The following PLCL1 variants were observed in gnomAD, a reference collection of about 807,000 sequenced individuals.
PLCL1 encodes phospholipase C like 1 (inactive), also known as inactive phospholipase C-like protein 1.
A neutral mutation model predicts 84.4 loss-of-function variants in PLCL1; 41 were observed. That is an observed-to-expected ratio of 0.49 (90% CI 0.38 to 0.63). The LOEUF is 0.63. Among genes scored for constraint, PLCL1 ranks in the 30% least tolerant of loss-of-function variants. PLCL1 has a pLI of 0.00. For synonymous variants in PLCL1, 490 were observed against 488.3 expected, an observed-to-expected ratio of 1.00 and a Z score of -0.05; for missense variants, 1,206 against 1,367.8, an observed-to-expected ratio of 0.88 and a Z score of 1.87.
chr2:197,834,300 A>G (rs1218531017), intron 1 of PLCL1, among the ~76,000 whole-genome samples: 6 of 152,186 alleles, frequency 3.9e-5, no homozygotes, highest in Admixed American at 2.6e-4. Context: ...AAATTGACAA[A>G]TGGGATCTAA....
chr2:197,963,443 T>G (rs913440973), intron 1 of PLCL1, among the ~76,000 whole-genome samples: 15 of 152,166 alleles, frequency 9.9e-5, no homozygotes, highest in African/African-American at 3.4e-4. Flanking sequence ...GTTAGATTTT[T>G]TCCTATAGAG....
At chr2:197,972,761 A>G (rs1176801217) in intron 1 of PLCL1, among the ~76,000 whole-genome samples, 1 of 152,220 alleles carries the variant, frequency 6.6e-6, no homozygotes, top group African/African-American at 2.4e-5. Flanking sequence ...ACATATTCAC[A>G]TACTCTTTGA....
chr2:197,958,888 C>T (rs921131002), intron 1 of PLCL1, among the ~76,000 whole-genome samples: 7 of 144,132 alleles, frequency 4.9e-5, no homozygotes, highest in South Asian at 4.6e-4. Flanking sequence ...ATTTTGGTTT[C>T]GGAATCTGTG....
At chr2:198,081,716 C>T (rs937849316) in intron 1 of PLCL1, among the ~76,000 whole-genome samples, 1 of 152,158 alleles carries the variant, frequency 6.6e-6, no homozygotes. Flanking sequence ...AATCATCCCA[C>T]CAACATCTCA....
At chr2:198,042,740 TACA>T (rs1244862817) in intron 1 of PLCL1, among the ~76,000 whole-genome samples, 2 of 152,114 alleles carry the variant, frequency 1.3e-5, no homozygotes, top group Non-Finnish European at 1.5e-5. Context: ...TAGTCAGAAA[TACA>T]ACATTTGATT....
At chr2:197,939,370 A>G (rs983731159) in intron 1 of PLCL1, among the ~76,000 whole-genome samples, 5 of 152,186 alleles carry the variant, frequency 3.3e-5, no homozygotes, top group African/African-American at 9.6e-5. Context: ...AATTCTGGGA[A>G]TGGGACCTGT....
chr2:198,081,703 C>A (rs907368668), intron 1 of PLCL1, among the ~76,000 whole-genome samples: 1 of 152,166 alleles, frequency 6.6e-6, no homozygotes. Context: ...ATTGGAGTCA[C>A]TGAATCATCC....
At chr2:197,839,264 T>G (rs1691249915) in intron 1 of PLCL1, among the ~76,000 whole-genome samples, 1 of 152,240 alleles carries the variant, frequency 6.6e-6, no homozygotes, top group Non-Finnish European at 1.5e-5. Flanking sequence ...TAGTCTGGAA[T>G]CAGTTTATGT....
At chr2:197,905,988 T>G (rs2105741519) in intron 1 of PLCL1, among the ~76,000 whole-genome samples, 1 of 152,350 alleles carries the variant, frequency 6.6e-6, no homozygotes, top group East Asian at 1.9e-4. Context: ...ATGGATAGAT[T>G]GCAAAAATTT....
In PLCL1 at chr2:197,811,248, T is replaced by C. The variant is rs569069625; in HGVS notation, c.240+5909T>C. On this transcript the variant is annotated intron_variant, in intron 1 of 5. Transcript: ENST00000428675. ...ACGGCCAACTTCTGTAACAACAACATTCGGTCTTACATATTGGCAAATGTA... is the reference window on the plus strand; with the variant it reads ...ACGGCCAACTTCTGTAACAACAACACTCGGTCTTACATATTGGCAAATGTA... Among the ~76,000 whole-genome samples, 7 of 152,360 alleles carry C rather than the reference T, an allele frequency of 4.6e-5. No individual in the cohort carries two copies. In the South Asian group the frequency reaches 1.4e-3, roughly 32 times the overall value.
At chr2:197,952,068 G>A (rs114404252) in intron 1 of PLCL1, among the ~76,000 whole-genome samples, 1,610 of 152,224 alleles carry the variant, frequency 0.011, 20 homozygotes, top group African/African-American at 0.037. Flanking sequence ...GAGCAAACAA[G>A]TCCTTTCTCA....
chr2:198,106,378 C>T (rs958467520), intron 5 of PLCL1, among the ~76,000 whole-genome samples: 1 of 151,864 alleles, frequency 6.6e-6, no homozygotes, highest in Non-Finnish European at 1.5e-5. Context: ...ACTGGGAATA[C>T]GTGGAGAACA....
At position 198,112,100 on chromosome 2, in the gene PLCL1, G is replaced by T. The variant is rs1010671458; in HGVS notation, c.3105+8164G>T. Among the ~76,000 whole-genome samples the T allele has an allele frequency of 1.8e-4, 27 of 151,986 alleles. 1 individual carries two copies. The highest frequency in any genetic ancestry group is 6.5e-4 in the African/African-American group (27 of 41,508). ...AGGTACACTTTTCTAGTGGAAAATAGAATGAATTGACCAAGTGGTATAACT... is the reference window on the plus strand; with the variant it reads ...AGGTACACTTTTCTAGTGGAAAATATAATGAATTGACCAAGTGGTATAACT... On this transcript the variant is annotated intron_variant, in intron 5 of 5. Coordinates refer to ENST00000428675, the MANE Select transcript of PLCL1 (RefSeq NM_006226.4).
In PLCL1 at chr2:197,966,648, A is replaced by G. The variant is rs1227571423; in HGVS notation, c.241-117110A>G. Among the ~76,000 whole-genome samples the G allele has an allele frequency of 2.6e-5, 4 of 152,184 alleles. 1 individual carries two copies. Among genetic ancestry groups the G allele is most frequent in the Admixed American group, 2.0e-4 (3 of 15,300 alleles). ...GAAGGGATGGCACTGGCAATTCAAG[A>G]CTGCCTTTCCTACTTCTTCAGTGCC... is the stretch of plus-strand genomic sequence containing the variant. On this transcript the variant is annotated intron_variant, in intron 1 of 5. Transcript: ENST00000428675.
At chr2:197,807,009 AG>A (rs1188380916) in intron 1 of PLCL1, among the ~76,000 whole-genome samples, 8 of 152,150 alleles carry the variant, frequency 5.3e-5, no homozygotes, top group African/African-American at 1.9e-4. Flanking sequence ...ACAAAAAAGG[AG>A]GGAGACAACA....
At chr2:198,130,586 C>T (rs1201578771) in intron 5 of PLCL1, among the ~76,000 whole-genome samples, 1 of 152,094 alleles carries the variant, frequency 6.6e-6, no homozygotes, top group Non-Finnish European at 1.5e-5. Flanking sequence ...GCAAGGTCGG[C>T]ATGTCTCCAG....
intron 1 of PLCL1, among the ~76,000 whole-genome samples, chr2:197,992,420 A>G (rs1194007502): frequency 6.6e-6 from 1 of 151,778 alleles, no homozygotes; most frequent in Non-Finnish European, 1.5e-5. Flanking sequence ...ACACACCACC[A>G]TGCCCAACTA....
At chr2:198,051,010 C>T (rs2117339) in intron 1 of PLCL1, among the ~76,000 whole-genome samples, 64,896 of 152,064 alleles carry the variant, frequency 0.43, 14,858 homozygotes, top group Middle Eastern at 0.64. Flanking sequence ...CGTGGTACAA[C>T]GACAACGTAA....
chr2:197,832,415 T>C (rs1312005404), intron 1 of PLCL1, among the ~76,000 whole-genome samples: 2 of 152,148 alleles, frequency 1.3e-5, no homozygotes, highest in Non-Finnish European at 2.9e-5. Flanking sequence ...AAGAAATACG[T>C]AAATTCCTGA....
Sources: allele counts gnomAD v4.1 joint callset (sites outside exome capture counted in the v4.1 genomes callset), GRCh38; gene constraint gnomAD v4.1.1; transcripts MANE v1.5; gene names NCBI Gene and HGNC (gene_info 2026-07-23, HGNC 2026-07-21).